PDS5A: variants seen among roughly 807,000 people sequenced by gnomAD.
PDS5A encodes sister chromatid cohesion protein PDS5 homolog A.
PDS5A carries 42 observed loss-of-function variants against 167.1 expected under a neutral mutation model. The observed-to-expected ratio is 0.25, with a 90% confidence interval of 0.20 to 0.33. The LOEUF (loss-of-function observed/expected upper bound fraction) is 0.33. Among genes scored for constraint, PDS5A ranks in the 10% least tolerant of loss-of-function variants. PDS5A has a pLI of 1.00. For missense variants in PDS5A, 1,033 were observed against 1,605.9 expected, an observed-to-expected ratio of 0.64 and a Z score of 6.10; for synonymous variants, 553 against 554.6, an observed-to-expected ratio of 1.00 and a Z score of 0.04.
intron 17 of PDS5A, among the ~76,000 whole-genome samples, chr4:39,880,685 A>C (rs1295978388): frequency 1.3e-5 from 2 of 152,186 alleles, no homozygotes; most frequent in Non-Finnish European, 2.9e-5. Flanking sequence ...AAATTAACAA[A>C]AATTATAAAT....
chr4:39,935,181 G>T (rs1726478497), intron 2 of PDS5A, among the ~76,000 whole-genome samples: 1 of 152,148 alleles, frequency 6.6e-6, no homozygotes, highest in African/African-American at 2.4e-5. Context: ...GCCTAGGCTG[G>T]AGTGCAGTGG....
intron 6 of PDS5A, among the ~76,000 whole-genome samples, chr4:39,921,613 A>G (rs2109715627): frequency 6.8e-6 from 1 of 147,994 alleles, no homozygotes; most frequent in South Asian, 2.1e-4. Context: ...AAAGCCAGGT[A>G]TGGTGGCACA....
At chr4:39,826,032 T>C (rs1715274246) in intron 32 of PDS5A, among the ~76,000 whole-genome samples, 1 of 152,222 alleles carries the variant, frequency 6.6e-6, no homozygotes, top group East Asian at 1.9e-4. Flanking sequence ...GACTTAGTGC[T>C]GCTATCCAAT....
chr4:39,871,204 G>A (rs79207827), intron 21 of PDS5A, among the ~76,000 whole-genome samples: 2,618 of 152,168 alleles, frequency 0.017, 33 homozygotes, highest in Middle Eastern at 0.041. Flanking sequence ...GAGATGGATG[G>A]GGTGGTGATG....
chr4:39,907,707 C>T (rs922608374), intron 11 of PDS5A, among the ~76,000 whole-genome samples: 2 of 152,082 alleles, frequency 1.3e-5, no homozygotes, highest in African/African-American at 4.8e-5. Context: ...CTGCCTCAGC[C>T]TCCCGAGTAG....
chr4:39,860,414 G>C (rs890556884), intron 26 of PDS5A, among the ~76,000 whole-genome samples: 1 of 151,456 alleles, frequency 6.6e-6, no homozygotes, highest in African/African-American at 2.4e-5. Flanking sequence ...ACAGTGAGTT[G>C]AGATCATTCC....
At chr4:39,835,199 C>T (rs1458618842) in intron 32 of PDS5A, among the ~76,000 whole-genome samples, 1 of 152,150 alleles carries the variant, frequency 6.6e-6, no homozygotes, top group Non-Finnish European at 1.5e-5. Context: ...CTTGGCTTGG[C>T]CTCCCAAAGT....
intron 2 of PDS5A, among the ~76,000 whole-genome samples, chr4:39,950,642 T>C (rs1338320749): frequency 6.6e-6 from 1 of 152,132 alleles, no homozygotes; most frequent in Non-Finnish European, 1.5e-5. Flanking sequence ...TGGAGTGCAG[T>C]GGCACCATCT....
rs113860190 is a variant in PDS5A at position 39,883,266 on chromosome 4, C to T, written c.1887-3433G>A. On this transcript the variant is annotated intron_variant, in intron 17 of 32. Coordinates refer to ENST00000303538, the MANE Select transcript of PDS5A (RefSeq NM_001100399.2). ...TGCGACCTCAGCTCACTGCAACTTC[C>T]GCCTCCCAGGTTCAAGTGATTCTCA... Among the ~76,000 whole-genome samples the T allele has an allele frequency of 5.0e-3, 762 of 152,058 alleles. 6 individuals carry two copies. Among genetic ancestry groups the T allele is most frequent in the African/African-American group, 0.016 (654 of 41,498 alleles).
chr4:39,918,619 T>C (rs1429368827), intron 7 of PDS5A, among the ~76,000 whole-genome samples: 1 of 152,112 alleles, frequency 6.6e-6, no homozygotes, highest in Non-Finnish European at 1.5e-5. Flanking sequence ...TTTGGGAGTC[T>C]GGGGCAGGCG....
intron 2 of PDS5A, among the ~76,000 whole-genome samples, chr4:39,941,888 C>G (rs984680304): frequency 7.9e-5 from 12 of 152,188 alleles, no homozygotes; most frequent in Non-Finnish European, 4.4e-5. Flanking sequence ...GACTGCACAA[C>G]TGCTGCTCCA....
At chr4:39,912,366 T>C (rs565743550) in intron 9 of PDS5A, among the ~76,000 whole-genome samples, 3 of 152,318 alleles carry the variant, frequency 2.0e-5, no homozygotes, top group African/African-American at 4.8e-5. Context: ...ACAAAAAATA[T>C]TTGATGTCCA....
At chr4:39,938,035 A>G (rs945019072) in intron 2 of PDS5A, among the ~76,000 whole-genome samples, 2 of 152,230 alleles carry the variant, frequency 1.3e-5, no homozygotes, top group Non-Finnish European at 1.5e-5. Context: ...GGCCAATCAC[A>G]GGTGGCTGAC....
Position 39,874,546 on chromosome 4 carries a change from G to C in PDS5A, c.2154-134C>G, listed in dbSNP as rs1454071701. 3 of 676,190 alleles carry C rather than the reference G, an allele frequency of 4.4e-6. No individual in the cohort carries two copies. In the East Asian group the frequency reaches 8.2e-5, roughly 18 times the overall value. The allele number at this position is 676,190 out of a possible 1,614,324, so 41.9% of individuals were successfully genotyped here. ...TCTCTTAAAAATTATCTGATCTAAA[G>C]AAAGTTGTAAAAAAGCTCCATCTCT... On this transcript the variant is annotated intron_variant, in intron 19 of 32. Transcript: ENST00000303538.
At chr4:39,887,029 T>A (rs1228077409) in intron 17 of PDS5A, among the ~76,000 whole-genome samples, 1 of 152,148 alleles carries the variant, frequency 6.6e-6, no homozygotes, top group Non-Finnish European at 1.5e-5. Context: ...CGGTGGAGTC[T>A]TTAGCTTTTT....
chr4:39,889,606 G>A (rs969162355), intron 17 of PDS5A, among the ~76,000 whole-genome samples: 5 of 152,174 alleles, frequency 3.3e-5, no homozygotes, highest in African/African-American at 1.2e-4. Flanking sequence ...ATTACCAGAC[G>A]TTTGAAAAGT....
chr4:39,929,574 T>C (rs1197786572), intron 2 of PDS5A, among the ~76,000 whole-genome samples: 2 of 123,096 alleles, frequency 1.6e-5, no homozygotes, highest in Non-Finnish European at 3.2e-5. Flanking sequence ...ATATCCTACA[T>C]ACATATATCT....
intron 11 of PDS5A, among the ~76,000 whole-genome samples, chr4:39,908,125 T>A (rs1472216950): frequency 6.6e-6 from 1 of 152,160 alleles, no homozygotes; most frequent in Non-Finnish European, 1.5e-5. Context: ...AATAAAAAGG[T>A]AAAATTTTGA....
At chr4:39,837,297 CAAGGTGA>C (rs2109482427) in intron 32 of PDS5A, 1 of 153,116 alleles carries the variant, frequency 6.5e-6, no homozygotes, top group South Asian at 2.0e-4. Context: ...GTTCTAAGGC[CAAGGTGA>C]AAGGAGCCAC....
Sources: gnomAD v4.1 joint callset for allele counts (sites outside exome capture counted in the v4.1 genomes callset) on GRCh38, gnomAD v4.1.1 for gene constraint, MANE v1.5 for transcripts, NCBI Gene and HGNC (gene_info 2026-07-23, HGNC 2026-07-21) for gene names.